The following VOPP1 variants were observed in gnomAD, a reference collection of about 807,000 sequenced individuals.
The protein encoded by VOPP1 is WW domain binding protein VOPP1.
A neutral mutation model predicts 23.5 loss-of-function variants in VOPP1; 8 were observed. That is an observed-to-expected ratio of 0.34 (90% CI 0.20 to 0.61). The LOEUF (loss-of-function observed/expected upper bound fraction) is 0.61, where lower values mean the gene tolerates loss of function less well. Ranked by LOEUF, VOPP1 falls within the 20% of genes least tolerant of loss-of-function variation. The probability of loss-of-function intolerance (pLI) is 0.78; values close to 1 mark genes in which losing one functional copy is unlikely to be tolerated. For synonymous variants in VOPP1, 83 were observed against 97.3 expected (o/e 0.85, Z 0.86); for missense variants, 174 against 238.1 (o/e 0.73, Z 1.77).
chr7:55,570,500 G>C (rs189597900), intron 1 of VOPP1, among the ~76,000 whole-genome samples: 3 of 152,140 alleles, frequency 2.0e-5, no homozygotes, highest in Non-Finnish European at 4.4e-5. Context: ...CCTATGCAAC[G>C]AAACAGCTAT....
intron 4 of VOPP1, among the ~76,000 whole-genome samples, chr7:55,474,249 C>T (rs1418653476): frequency 6.6e-6 from 1 of 152,246 alleles, no homozygotes. Flanking sequence ...ATGCATCTCA[C>T]CCGCTGCCTT....
intron 2 of VOPP1, among the ~76,000 whole-genome samples, chr7:55,505,649 G>A (rs1341612356): frequency 1.3e-5 from 1 of 78,058 alleles, no homozygotes; most frequent in Non-Finnish European, 2.4e-5. Context: ...AAGGAAGGAA[G>A]GAAGGGAGGG....
intron 2 of VOPP1, among the ~76,000 whole-genome samples, chr7:55,501,537 G>C (rs1458491258): frequency 6.6e-6 from 1 of 152,204 alleles, no homozygotes; most frequent in African/African-American, 2.4e-5. Context: ...ACAGTGCTGG[G>C]CTAAGGTCTT....
chr7:55,487,730 T>A (rs1793246662), intron 4 of VOPP1, among the ~76,000 whole-genome samples: 1 of 152,254 alleles, frequency 6.6e-6, no homozygotes, highest in African/African-American at 2.4e-5. Context: ...CTATGAACTT[T>A]AATGGCCACA....
At chr7:55,469,678 T>A (rs911581669), downstream of VOPP1, among the ~76,000 whole-genome samples, 4 of 152,214 alleles carry the variant, frequency 2.6e-5, no homozygotes, top group Non-Finnish European at 5.9e-5. Context: ...GCAGAAGTGG[T>A]GTGCTTACTG....
chr7:55,505,651 A>AAGGGAGGAAGGG (rs1794665384), intron 2 of VOPP1, among the ~76,000 whole-genome samples: 5 of 78,656 alleles, frequency 6.4e-5, no homozygotes, highest in African/African-American at 3.2e-4. Context: ...GGAAGGAAGG[A>AAGGGAGGAAGGG]AGGGAGGGAG....
intron 1 of VOPP1, among the ~76,000 whole-genome samples, chr7:55,553,491 T>C (rs1236757132): frequency 2.0e-5 from 3 of 152,196 alleles, no homozygotes; most frequent in Non-Finnish European, 4.4e-5. Flanking sequence ...AAATATTATT[T>C]AGATGATAGA....
chr7:55,478,587 G>A (rs1384335445), intron 4 of VOPP1, among the ~76,000 whole-genome samples: 1 of 152,236 alleles, frequency 6.6e-6, no homozygotes, highest in Admixed American at 6.5e-5. Flanking sequence ...AAAAATGGGT[G>A]AGGGAAAATG....
At chr7:55,524,282 T>C (rs531949752) in intron 1 of VOPP1, among the ~76,000 whole-genome samples, 1 of 152,370 alleles carries the variant, frequency 6.6e-6, no homozygotes, top group South Asian at 2.1e-4. Flanking sequence ...TTGAAAAATT[T>C]AACCCGTTTG....
At chr7:55,469,287 C>T (rs572314903), downstream of VOPP1, among the ~76,000 whole-genome samples, 77 of 152,194 alleles carry the variant, frequency 5.1e-4, no homozygotes, top group African/African-American at 1.8e-3. Context: ...TAGGAGGCTC[C>T]TCAGGCTCAG....
rs1262613642 is a variant in VOPP1, at chr7:55,572,215, A to G, written c.54+56T>C. The G allele has an allele frequency of 4.8e-6, 7 of 1,451,184 alleles. No homozygotes were observed. The East Asian group carries it at 2.0e-4, about 41-fold the overall frequency. The allele number at this position is 1,451,184 out of a possible 1,614,324, so 89.9% of individuals were successfully genotyped here. A position where few individuals can be genotyped will look rare whatever the true frequency, so the allele number is the denominator to read the frequency against. On this transcript the variant is annotated intron_variant, in intron 1 of 4. Coordinates refer to ENST00000285279, the MANE Select transcript of VOPP1 (RefSeq NM_030796.5). ...GGGCGCCTCGGAACTGCGCGCCCCC[A>G]GCCGCCAGCATGGTGGGCGCCGCGC...
intron 2 of VOPP1, among the ~76,000 whole-genome samples, chr7:55,514,021 C>T (rs1174582078): frequency 6.6e-6 from 1 of 152,204 alleles, no homozygotes; most frequent in Non-Finnish European, 1.5e-5. Flanking sequence ...GCCACAAGAT[C>T]TGGTCCAGTG....
chr7:55,493,281 C>T (rs1793710602), intron 3 of VOPP1: 1 of 152,206 alleles, frequency 6.6e-6, no homozygotes, highest in South Asian at 2.1e-4. Flanking sequence ...AAACTCTTGC[C>T]CATCTCTGAA....
At chr7:55,535,461 T>C (rs1796729350) in intron 1 of VOPP1, among the ~76,000 whole-genome samples, 2 of 152,184 alleles carry the variant, frequency 1.3e-5, no homozygotes. Context: ...AGTGTCCTTC[T>C]GGCCTGGCCG....
At chr7:55,474,030 C>A (rs1792045135) in intron 4 of VOPP1, among the ~76,000 whole-genome samples, 1 of 152,250 alleles carries the variant, frequency 6.6e-6, no homozygotes, top group African/African-American at 2.4e-5. Context: ...CCATGGGAAT[C>A]TGCGCATGTG....
chr7:55,436,619 T>TGAGTGTGTGTGCATGA (rs754782558), intron 4 of VOPP1, among the ~76,000 whole-genome samples: 4 of 146,742 alleles, frequency 2.7e-5, no homozygotes, highest in Non-Finnish European at 4.5e-5. Flanking sequence ...TGTGCATGAG[T>TGAGTGTGTGTGCATGA]GTGTGTGTGT....
intron 1 of VOPP1, among the ~76,000 whole-genome samples, chr7:55,564,543 G>A (rs571237851): frequency 4.1e-4 from 62 of 152,244 alleles, no homozygotes; most frequent in Middle Eastern, 3.4e-3. Flanking sequence ...GAAATTAAGA[G>A]CCAACTATGA....
chr7:55,508,592 T>C (rs1191780476), intron 2 of VOPP1, among the ~76,000 whole-genome samples: 2 of 152,170 alleles, frequency 1.3e-5, no homozygotes, highest in East Asian at 3.8e-4. Flanking sequence ...CACCTTTGTG[T>C]TTCTGGGGTA....
At chr7:55,514,219 G>A (rs771395208) in intron 2 of VOPP1, among the ~76,000 whole-genome samples, 2 of 152,166 alleles carry the variant, frequency 1.3e-5, no homozygotes, top group Non-Finnish European at 2.9e-5. Flanking sequence ...CCCATTTGTC[G>A]CTTGTCTCTG....
Sources: gnomAD v4.1 joint callset for allele counts (sites outside exome capture counted in the v4.1 genomes callset) on GRCh38, gnomAD v4.1.1 for gene constraint, MANE v1.5 for transcripts, NCBI Gene and HGNC (gene_info 2026-07-23, HGNC 2026-07-21) for gene names.